SYT1: variants seen among roughly 807,000 people sequenced by gnomAD.
SYT1 encodes the protein synaptotagmin 1, also known as synaptotagmin-1.
Under a neutral mutation model 44.8 loss-of-function variants are expected in SYT1, and 8 were observed. The observed-to-expected ratio is 0.18, with a 90% CI of 0.10 to 0.32. The LOEUF (loss-of-function observed/expected upper bound fraction) is 0.32, where lower values mean the gene tolerates loss of function less well. SYT1 is among the 10% of genes least tolerant of loss of function. SYT1 has a pLI of 1.00. For missense variants in SYT1, 286 were observed against 509.3 expected (o/e 0.56, Z 4.22); for synonymous variants, 154 against 188.8 (o/e 0.82, Z 1.51).
At chr12:79,345,319 C>T (rs1402864933) in intron 8 of SYT1, among the ~76,000 whole-genome samples, 1 of 145,682 alleles carries the variant, frequency 6.9e-6, no homozygotes, top group Non-Finnish European at 1.5e-5. Context: ...TCCCCCTCTC[C>T]TTAGTTACTA....
intron 8 of SYT1, among the ~76,000 whole-genome samples, chr12:79,326,362 C>G (rs1881607109): frequency 6.6e-6 from 1 of 152,112 alleles, no homozygotes; most frequent in Non-Finnish European, 1.5e-5. Flanking sequence ...ATGTGAATGA[C>G]ATTTCAAAAT....
chr12:79,244,493 G>A (rs1876702658), intron 4 of SYT1, among the ~76,000 whole-genome samples: 1 of 152,072 alleles, frequency 6.6e-6, no homozygotes, highest in Non-Finnish European at 1.5e-5. Context: ...ATCACTTGAG[G>A]TCAGGAGTTC....
chr12:79,445,906 TAAG>T (rs1446855060), intron 10 of SYT1, among the ~76,000 whole-genome samples: 2 of 142,776 alleles, frequency 1.4e-5, no homozygotes, highest in African/African-American at 5.1e-5. Context: ...ATATATATAA[TAAG>T]TATAGCTATA....
At chr12:79,369,950 CA>C (rs1175823665) in intron 9 of SYT1, among the ~76,000 whole-genome samples, 1 of 152,110 alleles carries the variant, frequency 6.6e-6, no homozygotes, top group Non-Finnish European at 1.5e-5. Context: ...GGTCAGTGAG[CA>C]AAAAGATATT....
intron 8 of SYT1, among the ~76,000 whole-genome samples, chr12:79,346,317 A>G (rs1011366396): frequency 6.6e-6 from 1 of 152,238 alleles, no homozygotes; most frequent in South Asian, 2.1e-4. Flanking sequence ...CAATGGCTGC[A>G]TTTTTTTAAA....
intron 9 of SYT1, among the ~76,000 whole-genome samples, chr12:79,432,159 T>G (rs938102936): frequency 1.3e-5 from 2 of 151,976 alleles, no homozygotes; most frequent in Non-Finnish European, 2.9e-5. Flanking sequence ...TTATTAATAC[T>G]ATAAAATTTC....
At chr12:78,973,944 T>A (rs371389845) in intron 1 of SYT1, among the ~76,000 whole-genome samples, 1,288 of 11,858 alleles carry the variant, frequency 0.11, 114 homozygotes, top group African/African-American at 0.25. Flanking sequence ...AAAAAATATA[T>A]ATATATATAT....
intron 2 of SYT1, among the ~76,000 whole-genome samples, chr12:78,985,892 AT>A (rs1434240792): frequency 6.6e-6 from 1 of 152,034 alleles, no homozygotes; most frequent in East Asian, 1.9e-4. Flanking sequence ...TCATTAATCT[AT>A]TTTTATTTAC....
chr12:78,997,303 C>T (rs1021820555), intron 2 of SYT1, among the ~76,000 whole-genome samples: 1 of 152,178 alleles, frequency 6.6e-6, no homozygotes, highest in African/African-American at 2.4e-5. Context: ...AGATAGATAA[C>T]TCCATAAGAT....
chr12:78,869,272 G>A (rs1873698546), intron 1 of SYT1, among the ~76,000 whole-genome samples: 1 of 151,858 alleles, frequency 6.6e-6, no homozygotes, highest in South Asian at 2.1e-4. Flanking sequence ...TTCTTGAGGA[G>A]CTAGTTTTAT....
At chr12:79,338,779 TC>T (rs1882214878) in intron 8 of SYT1, among the ~76,000 whole-genome samples, 1 of 151,832 alleles carries the variant, frequency 6.6e-6, no homozygotes, top group Non-Finnish European at 1.5e-5. Context: ...CATTAACTCG[TC>T]ATTTACATTA....
rs762339486 is a variant in SYT1, at chr12:79,444,135, A to G, written c.991A>G (p.Ile331Val). 2 of 1,613,784 alleles carry G rather than the reference A, an allele frequency of 1.2e-6. No homozygotes were observed. Among genetic ancestry groups the G allele is most frequent in the Admixed American group, 3.3e-5 (2 of 60,016 alleles). The change falls in exon 10 of 11, where the codon ATT (isoleucine) becomes GTT (valine). Residue 331 changes from isoleucine to valine, a missense_variant. Ile to Val is a conservative substitution (Grantham distance 29, BLOSUM62 3). This residue lies in a region of SYT1 where 15 missense variants were observed against 84.6 expected (regional missense o/e 0.18). Transcript: ENST00000261205. ...GAGGCTGAAGAAGAAAAAGACAACA[A>G]TTAAAAAGAACACACTTAACCCCTA... The part of the protein sequence containing the change: ...GKRLKKKKTT[I>V]KKNTLNPYYN...
intron 2 of SYT1, among the ~76,000 whole-genome samples, chr12:79,025,500 C>A (rs1362584035): frequency 1.3e-5 from 2 of 151,506 alleles, no homozygotes; most frequent in African/African-American, 4.8e-5. Context: ...TTTCTAGACA[C>A]ACAAATCTAG....
Position 78,957,156 on chromosome 12 carries a change from A to G in SYT1, c.-216-20643A>G, listed in dbSNP as rs112518901. Reference sequence around the variant, plus strand: ...TGTCAATTTACCGGAAAATATACCCATGTGCCTTGATTATTAAGAAGAACA... The same window carrying G: ...TGTCAATTTACCGGAAAATATACCCGTGTGCCTTGATTATTAAGAAGAACA... On this transcript the variant is annotated intron_variant, in intron 1 of 10. Coordinates refer to ENST00000261205, the MANE Select transcript of SYT1 (RefSeq NM_005639.3). Among the ~76,000 whole-genome samples the G allele has an allele frequency of 2.0e-4, 31 of 152,250 alleles. 1 individual carries two copies. The highest frequency in any genetic ancestry group is 5.8e-4 in the East Asian group (3 of 5,164).
chr12:79,161,250 G>A (rs1236931077), intron 3 of SYT1, among the ~76,000 whole-genome samples: 3 of 151,756 alleles, frequency 2.0e-5, no homozygotes, highest in East Asian at 1.9e-4. Context: ...AAAAAAGTGG[G>A]GGATTATAAG....
intron 3 of SYT1, among the ~76,000 whole-genome samples, chr12:79,084,271 GTTTA>G (rs1227462137): frequency 6.6e-6 from 1 of 152,068 alleles, no homozygotes; most frequent in African/African-American, 2.4e-5. Context: ...TGGACACATA[GTTTA>G]TTCATTCATC....
rs374558194 is a variant in SYT1, at chr12:79,124,579, T to TATC, written c.-18+77237_-18+77239dup. ...CCATCATCATCATCACCATCACCAT[T>TATC]ATCATCATCATCATCATCATCACCA... On this transcript the variant is annotated intron_variant, in intron 3 of 10. Coordinates refer to ENST00000261205, the MANE Select transcript of SYT1 (RefSeq NM_005639.3). Among the ~76,000 whole-genome samples the TATC allele has an allele frequency of 4.0e-4, 61 of 151,140 alleles. 1 individual carries two copies. The highest frequency in any genetic ancestry group is 7.3e-4 in the Non-Finnish European group (49 of 67,468).
chr12:79,157,812 C>A (rs1870693374), intron 3 of SYT1, among the ~76,000 whole-genome samples: 1 of 152,156 alleles, frequency 6.6e-6, no homozygotes, highest in Non-Finnish European at 1.5e-5. Flanking sequence ...ATTCTCCCAA[C>A]AACTTTTCAC....
intron 3 of SYT1, among the ~76,000 whole-genome samples, chr12:79,096,339 C>T (rs1192730446): frequency 6.6e-6 from 1 of 151,944 alleles, no homozygotes; most frequent in Non-Finnish European, 1.5e-5. Context: ...TCTGCAGCCC[C>T]TCTGAATAGC....
Sources: gnomAD v4.1 joint callset for allele counts (sites outside exome capture counted in the v4.1 genomes callset) on GRCh38, gnomAD v4.1.1 for gene constraint, gnomAD v4.1.1 regional missense constraint, MANE v1.5 for transcripts, NCBI Gene and HGNC (gene_info 2026-07-23, HGNC 2026-07-21) for gene names.